The following ATF6 variants were observed in gnomAD, a reference collection of about 807,000 sequenced individuals.
ATF6 encodes cyclic AMP-dependent transcription factor ATF-6 alpha.
Under a neutral mutation model 83.6 loss-of-function variants are expected in ATF6, and 53 were observed. The observed-to-expected ratio is 0.63, with a 90% CI of 0.51 to 0.80. The LOEUF is 0.80. Ranked by LOEUF, ATF6 falls within the 30% of genes least tolerant of loss-of-function variation. The probability of loss-of-function intolerance (pLI) is 0.00; values close to 1 mark genes in which losing one functional copy is unlikely to be tolerated. For synonymous variants in ATF6, 288 were observed against 285.8 expected, an observed-to-expected ratio of 1.01 and a Z score of -0.08; for missense variants, 744 against 797.9, an observed-to-expected ratio of 0.93 and a Z score of 0.81.
At chr1:161,786,694 CT>C (rs1391257890) in intron 4 of ATF6, among the ~76,000 whole-genome samples, 3 of 152,148 alleles carry the variant, frequency 2.0e-5, no homozygotes, top group African/African-American at 7.2e-5. Flanking sequence ...TCCGATGCCC[CT>C]ATCACTCCAA....
At chr1:161,819,917 A>G in intron 8 of ATF6, 99 bp downstream of exon 8, 1 of 1,147,552 alleles carries the variant, frequency 8.7e-7, no homozygotes, top group Non-Finnish European at 1.2e-6. Context: ...TATGTAAAAT[A>G]ATAGTGCTAG....
At chr1:161,798,856 T>A (rs1017701317) in intron 6 of ATF6, among the ~76,000 whole-genome samples, 1 of 152,120 alleles carries the variant, frequency 6.6e-6, no homozygotes, top group African/African-American at 2.4e-5. Context: ...ATGCTCAACA[T>A]CACTAATCAT....
chr1:161,943,096 C>T (rs1189374410), intron 15 of ATF6, among the ~76,000 whole-genome samples: 1 of 152,148 alleles, frequency 6.6e-6, no homozygotes, highest in Non-Finnish European at 1.5e-5. Context: ...CCTCGTGATC[C>T]GCCCACCTCG....
intron 11 of ATF6, 122 bp downstream of exon 11, chr1:161,851,957 T>A (rs1391657917): frequency 3.4e-5 from 25 of 730,806 alleles, no homozygotes; most frequent in Non-Finnish European, 5.9e-5. Flanking sequence ...TATTTGTGGA[T>A]AACTGTAGGC....
intron 15 of ATF6, among the ~76,000 whole-genome samples, chr1:161,916,118 T>C (rs1304929434): frequency 1.3e-5 from 2 of 152,226 alleles, no homozygotes; most frequent in African/African-American, 2.4e-5. Context: ...GCTCTTGCCC[T>C]TCCACTCCAC....
rs376914222 is a variant in ATF6 at position 161,802,170 on chromosome 1, G to A, written c.807G>A (p.Val269=). Residue 269 remains valine (V), a synonymous_variant, in exon 7 of 16, where the codon GTG becomes GTA. Transcript: ENST00000367942. ...GAGTCACACAGCTCCCTAATCACGT[G>A]GTGAATGTGGTACCAGCCCCTTCAG... The part of the protein sequence containing the change: ...AGGVTQLPNH[V]VNVVPAPSAN... The A allele has an allele frequency of 3.1e-6, 5 of 1,613,914 alleles. No homozygotes were observed. The highest frequency in any genetic ancestry group is 4.2e-6 in the Non-Finnish European group (5 of 1,180,004).
At chr1:161,936,931 T>C (rs567785508) in intron 15 of ATF6, among the ~76,000 whole-genome samples, 1 of 152,250 alleles carries the variant, frequency 6.6e-6, no homozygotes, top group East Asian at 1.9e-4. Context: ...AAAACCTTCC[T>C]TGCAGTCATC....
At chr1:161,945,994 T>TTTTTG (rs896271788) in intron 15 of ATF6, among the ~76,000 whole-genome samples, 16 of 152,146 alleles carry the variant, frequency 1.1e-4, no homozygotes, top group Admixed American at 8.5e-4. Flanking sequence ...ACAGAGTCTG[T>TTTTTG]TTTTGTTTTG....
intron 9 of ATF6, among the ~76,000 whole-genome samples, chr1:161,828,678 T>G (rs534588920): frequency 2.0e-5 from 3 of 152,312 alleles, no homozygotes; most frequent in Admixed American, 6.5e-5. Context: ...GAAAAGTCTT[T>G]CCTGATAATT....
intron 6 of ATF6, among the ~76,000 whole-genome samples, chr1:161,800,904 G>A (rs768123233): frequency 2.6e-5 from 4 of 152,120 alleles, no homozygotes; most frequent in Non-Finnish European, 5.9e-5. Flanking sequence ...TTCTTTTTCT[G>A]TTATGACTGT....
At chr1:161,791,060 A>ATGTGTGTG (rs67323020) in intron 4 of ATF6, among the ~76,000 whole-genome samples, 19 of 112,104 alleles carry the variant, frequency 1.7e-4, no homozygotes, top group East Asian at 8.6e-4. Context: ...ACCAAGTTTT[A>ATGTGTGTG]TATGTGTGTG....
chr1:161,850,921 C>T (rs1686602863), intron 10 of ATF6, among the ~76,000 whole-genome samples: 1 of 152,094 alleles, frequency 6.6e-6, no homozygotes, highest in African/African-American at 2.4e-5. Flanking sequence ...AGTTTTGCTC[C>T]CTACGTCACA....
At chr1:161,821,892 G>A (rs1395384584) in intron 9 of ATF6, among the ~76,000 whole-genome samples, 1 of 152,122 alleles carries the variant, frequency 6.6e-6, no homozygotes, top group Non-Finnish European at 1.5e-5. Flanking sequence ...CTTACACTAT[G>A]GTTATAAAAA....
intron 1 of ATF6, among the ~76,000 whole-genome samples, chr1:161,772,976 T>G (rs1454753809): frequency 6.8e-6 from 1 of 147,050 alleles, no homozygotes; most frequent in Non-Finnish European, 1.5e-5. Flanking sequence ...TTTTTTTTTT[T>G]TTTTTTTTTG....
chr1:161,786,568 C>CT (rs529178067), intron 4 of ATF6, among the ~76,000 whole-genome samples: 115 of 151,006 alleles, frequency 7.6e-4, no homozygotes, highest in African/African-American at 2.5e-3. Context: ...TATTTTTACT[C>CT]TTTTTTTTTG....
intron 15 of ATF6, among the ~76,000 whole-genome samples, chr1:161,927,847 G>T (rs1042061705): frequency 4.6e-5 from 7 of 152,146 alleles, no homozygotes; most frequent in African/African-American, 1.4e-4. Flanking sequence ...AAAAATGTCT[G>T]AACTATACTG....
At chr1:161,895,856 G>A (rs1687664802) in intron 14 of ATF6, among the ~76,000 whole-genome samples, 1 of 152,172 alleles carries the variant, frequency 6.6e-6, no homozygotes, top group Non-Finnish European at 1.5e-5. Context: ...GATTTGGTAT[G>A]AGTAGGAGGG....
At chr1:161,776,207 T>A (rs1684511393) in intron 1 of ATF6, among the ~76,000 whole-genome samples, 1 of 152,166 alleles carries the variant, frequency 6.6e-6, no homozygotes, top group African/African-American at 2.4e-5. Context: ...TATTCAACCA[T>A]TTGCTCAGTC....
intron 7 of ATF6, among the ~76,000 whole-genome samples, chr1:161,818,485 G>C (rs1290404744): frequency 6.6e-6 from 1 of 152,140 alleles, no homozygotes; most frequent in Non-Finnish European, 1.5e-5. Context: ...GGTGGGGAAA[G>C]AGAGAGAGAG....
Sources: allele counts gnomAD v4.1 joint callset (sites outside exome capture counted in the v4.1 genomes callset), GRCh38; gene constraint gnomAD v4.1.1; transcripts MANE v1.5; gene names NCBI Gene and HGNC (gene_info 2026-07-23, HGNC 2026-07-21).